ZNF385B: variants seen among roughly 807,000 people sequenced by gnomAD.
ZNF385B encodes the protein zinc finger protein 385B, also known as zinc finger protein 533.
In ZNF385B, 23 loss-of-function variants were observed where a neutral mutation model predicts 39.2. The ratio of observed to expected loss-of-function variants is 0.59; its 90% confidence interval spans 0.42 to 0.83. The LOEUF is 0.83. ZNF385B is among the 40% of genes least tolerant of loss of function. ZNF385B has a pLI of 0.00. For synonymous variants in ZNF385B, 205 were observed against 222.6 expected (o/e 0.92, Z 0.70); for missense variants, 552 against 598.9 (o/e 0.92, Z 0.82).
chr2:179,467,041 A>T (rs994228155), intron 6 of ZNF385B, among the ~76,000 whole-genome samples: 1 of 151,066 alleles, frequency 6.6e-6, no homozygotes, highest in Non-Finnish European at 1.5e-5. Flanking sequence ...AATTTCCCCT[A>T]CTCTTTAGGT....
chr2:179,614,413 A>G (rs1311099422), intron 3 of ZNF385B, among the ~76,000 whole-genome samples: 1 of 152,228 alleles, frequency 6.6e-6, no homozygotes, highest in African/African-American at 2.4e-5. Flanking sequence ...GAATTTTCCT[A>G]GATGACTTTT....
At chr2:179,747,662 A>G (rs1455764005) in intron 3 of ZNF385B, among the ~76,000 whole-genome samples, 1 of 152,126 alleles carries the variant, frequency 6.6e-6, no homozygotes, top group Non-Finnish European at 1.5e-5. Context: ...AAAGTTTAAA[A>G]TTAAACCAGG....
chr2:179,558,066 C>A (rs550734086), intron 3 of ZNF385B, among the ~76,000 whole-genome samples: 5 of 152,128 alleles, frequency 3.3e-5, no homozygotes, highest in Non-Finnish European at 5.9e-5. Context: ...GTTTTTATAC[C>A]GAAGTACTAT....
intron 6 of ZNF385B, among the ~76,000 whole-genome samples, chr2:179,464,963 C>A (rs2051824107): frequency 6.6e-6 from 1 of 152,122 alleles, no homozygotes; most frequent in African/African-American, 2.4e-5. Context: ...ACTCCCAGGG[C>A]TTCCCACCTA....
In ZNF385B at chr2:179,772,279, A is replaced by G. The variant is rs111865923; in HGVS notation, c.-154-1607T>C. ...TCTGTAACCTCTTCAGAGTACCAGC[A>G]TCCTCCATAACTTTTCAACCCTATT... On this transcript the variant is annotated intron_variant, in intron 1 of 9. Transcript: ENST00000410066. Among the ~76,000 whole-genome samples, 7 of 152,272 alleles carry G rather than the reference A, an allele frequency of 4.6e-5. 1 individual carries two copies. Among genetic ancestry groups the G allele is most frequent in the African/African-American group, 1.7e-4 (7 of 41,552 alleles).
chr2:179,743,075 T>G (rs1024715111), intron 3 of ZNF385B, among the ~76,000 whole-genome samples: 4 of 152,090 alleles, frequency 2.6e-5, no homozygotes, highest in Non-Finnish European at 5.9e-5. Flanking sequence ...CTAAGAGAAT[T>G]CTAACATTCT....
At chr2:179,817,700 T>C (rs1009392307) in intron 1 of ZNF385B, among the ~76,000 whole-genome samples, 5 of 151,848 alleles carry the variant, frequency 3.3e-5, no homozygotes, top group African/African-American at 1.2e-4. Flanking sequence ...TCAATCTGAA[T>C]GGGTCTATGT....
At chr2:179,713,144 T>A (rs1042367127) in intron 3 of ZNF385B, among the ~76,000 whole-genome samples, 1 of 152,250 alleles carries the variant, frequency 6.6e-6, no homozygotes, top group African/African-American at 2.4e-5. Flanking sequence ...GTTCAGTAAG[T>A]TAGGTGTATT....
rs1415357164 is a variant in ZNF385B at position 179,575,664 on chromosome 2, G to A, written c.299-30695C>T. 4.6e-5 allele frequency among the ~76,000 whole-genome samples: 7 copies of A among 152,046 alleles called. 1 individual carries two copies. In the Middle Eastern group the frequency reaches 0.01, roughly 222 times the overall value. ...CTGCAGAATGCCAGACCCAGGGGAA[G>A]AATATCAAGAAAAAAAAGAAAGCAA... On this transcript the variant is annotated intron_variant, in intron 3 of 9. Transcript: ENST00000410066.
intron 3 of ZNF385B, among the ~76,000 whole-genome samples, chr2:179,695,199 G>A (rs966456577): frequency 1.3e-5 from 2 of 152,020 alleles, no homozygotes; most frequent in Non-Finnish European, 2.9e-5. Context: ...CATAGATCAG[G>A]GAGTTTTACT....
rs537904129 is a variant in ZNF385B, at chr2:179,443,017, A to G, written c.*233T>C. The G allele has an allele frequency of 1.4e-4, 86 of 596,714 alleles. No homozygotes were observed. The highest frequency in any genetic ancestry group is 4.5e-4 in the Middle Eastern group (1 of 2,242). The allele number at this position is 596,714 out of a possible 1,614,324, so 37.0% of individuals were successfully genotyped here. On this transcript the variant is annotated 3_prime_UTR_variant, in exon 10 of 10. Transcript: ENST00000410066. The stretch of plus-strand genomic sequence containing the variant: ...CAAATTGAACGCGGTAGGGTGGGGG[A>G]GGAAGTAGGGAGATAAAGCCTATGC...
intron 3 of ZNF385B, chr2:179,576,227 T>C: frequency 1.0e-6 from 1 of 974,738 alleles, no homozygotes; most frequent in Non-Finnish European, 1.2e-6. Context: ...AGTTTTAATC[T>C]CTTTGGATCC....
chr2:179,597,647 G>A (rs1486189049), intron 3 of ZNF385B, among the ~76,000 whole-genome samples: 4 of 152,136 alleles, frequency 2.6e-5, no homozygotes, highest in South Asian at 2.1e-4. Flanking sequence ...AATTATTCAT[G>A]GGTCCTATTG....
At chr2:179,688,466 A>C (rs1411670691) in intron 3 of ZNF385B, among the ~76,000 whole-genome samples, 1 of 150,350 alleles carries the variant, frequency 6.7e-6, no homozygotes, top group African/African-American at 2.5e-5. Flanking sequence ...AGACCACCCC[A>C]CAACCCCACC....
At chr2:179,627,760 A>G (rs1690795963) in intron 3 of ZNF385B, among the ~76,000 whole-genome samples, 1 of 152,026 alleles carries the variant, frequency 6.6e-6, no homozygotes, top group African/African-American at 2.4e-5. Context: ...TAATATTTGT[A>G]TTTAATATTT....
intron 1 of ZNF385B, among the ~76,000 whole-genome samples, chr2:179,845,243 C>G (rs1198648981): frequency 6.6e-6 from 1 of 152,058 alleles, no homozygotes. Flanking sequence ...TTTCCCAGTT[C>G]AATTCTTTAG....
chr2:179,639,432 A>T (rs927567816), intron 3 of ZNF385B, among the ~76,000 whole-genome samples: 1 of 152,058 alleles, frequency 6.6e-6, no homozygotes, highest in African/African-American at 2.4e-5. Context: ...CACAAAAAAT[A>T]AGTATGTGAG....
intron 6 of ZNF385B, among the ~76,000 whole-genome samples, chr2:179,478,361 G>T (rs1244500568): frequency 2.6e-5 from 4 of 152,152 alleles, no homozygotes; most frequent in African/African-American, 9.7e-5. Context: ...ATCAATATTT[G>T]TTGAGTGAAT....
intron 3 of ZNF385B, among the ~76,000 whole-genome samples, chr2:179,764,211 C>T (rs773768751): frequency 8.5e-5 from 13 of 152,256 alleles, no homozygotes; most frequent in Non-Finnish European, 1.5e-4. Context: ...TAATGTCTTA[C>T]TCTGTCCCTA....
Sources: gnomAD v4.1 joint callset for allele counts (sites outside exome capture counted in the v4.1 genomes callset) on GRCh38, gnomAD v4.1.1 for gene constraint, MANE v1.5 for transcripts, NCBI Gene and HGNC (gene_info 2026-07-23, HGNC 2026-07-21) for gene names.